The following LHFPL6 variants were observed in gnomAD, a reference collection of about 807,000 sequenced individuals.
LHFPL6 encodes the protein LHFPL tetraspan subfamily member 6 protein.
Under a neutral mutation model 20.6 loss-of-function variants are expected in LHFPL6, and 9 were observed. The observed-to-expected ratio is 0.44, with a 90% confidence interval of 0.26 to 0.76. LHFPL6 has a LOEUF of 0.76. Among genes scored for constraint, LHFPL6 ranks in the 30% least tolerant of loss-of-function variants. The pLI, the probability that LHFPL6 is intolerant of heterozygous loss-of-function variation, is 0.20. For synonymous variants in LHFPL6, 105 were observed against 98.7 expected (o/e 1.06, Z -0.38); for missense variants, 218 against 253.5 (o/e 0.86, Z 0.95).
rs10588059 is a variant in LHFPL6 at position 39,523,547 on chromosome 13, G to GA, written c.385+77284dup. ...TCACAGCGAGACTCCGTCTCAAAAGGAAAAAAAAAAAAAAAAAAAATGGTA... is the reference window on the plus strand; with the variant it reads ...TCACAGCGAGACTCCGTCTCAAAAGGAAAAAAAAAAAAAAAAAAAAATGGTA... On this transcript the variant is annotated intron_variant, in intron 2 of 3. Coordinates refer to ENST00000379589, the MANE Select transcript of LHFPL6 (RefSeq NM_005780.3). Among the ~76,000 whole-genome samples the GA allele has an allele frequency of 4.6e-3, 601 of 129,978 alleles. 3 individuals carry two copies. Among genetic ancestry groups the GA allele is most frequent in the African/African-American group, 0.014 (505 of 35,180 alleles). 85.3% of individuals were successfully genotyped at this position (129,978 alleles called of 152,430 possible).
At chr13:39,516,071 G>A (rs886990133) in intron 2 of LHFPL6, among the ~76,000 whole-genome samples, 15 of 152,100 alleles carry the variant, frequency 9.9e-5, no homozygotes, top group African/African-American at 3.6e-4. Context: ...TAAGACTCAG[G>A]ACTGTGGAGG....
At chr13:39,361,557 C>T (rs1869869829) in intron 3 of LHFPL6, among the ~76,000 whole-genome samples, 1 of 151,978 alleles carries the variant, frequency 6.6e-6, no homozygotes, top group African/African-American at 2.4e-5. Flanking sequence ...ACCTTGTGAT[C>T]CACCCACCTC....
At chr13:39,563,514 C>A (rs1427548347) in intron 2 of LHFPL6, among the ~76,000 whole-genome samples, 1 of 152,038 alleles carries the variant, frequency 6.6e-6, no homozygotes, top group East Asian at 1.9e-4. Context: ...GGCAAGGGAG[C>A]AAAAATATTC....
intron 2 of LHFPL6, among the ~76,000 whole-genome samples, chr13:39,569,128 C>CAGAT (rs1566143945): frequency 9.7e-6 from 1 of 103,030 alleles, no homozygotes; most frequent in South Asian, 4.0e-4. Flanking sequence ...TTAGTAAACA[C>CAGAT]GGATGGATGG....
rs765672489 is a variant in LHFPL6 at position 39,562,695 on chromosome 13, C to CACAT, written c.385+38136_385+38137insATGT. ...ACACATATATACACACACACACACA[C>CACAT]ATATATATATATACACACACACACT... On this transcript the variant is annotated intron_variant, in intron 2 of 3. Transcript: ENST00000379589. Among the ~76,000 whole-genome samples the CACAT allele has an allele frequency of 9.6e-3, 1,403 of 146,330 alleles. 17 individuals carry two copies. The highest frequency in any genetic ancestry group is 0.033 in the African/African-American group (1,289 of 39,340).
chr13:39,468,818 G>A (rs1197405958), intron 2 of LHFPL6, among the ~76,000 whole-genome samples: 1 of 151,900 alleles, frequency 6.6e-6, no homozygotes, highest in Admixed American at 6.6e-5. Context: ...ATTTCATAGG[G>A]GAATTAAGGT....
chr13:39,525,874 T>TG (rs994367796), intron 2 of LHFPL6, among the ~76,000 whole-genome samples: 2 of 151,824 alleles, frequency 1.3e-5, no homozygotes, highest in African/African-American at 4.8e-5. Context: ...TCCTTTTTTT[T>TG]TTCTTTTTTA....
In LHFPL6 at chr13:39,451,937, T is replaced by C. The variant is rs1391448566; in HGVS notation, c.386-73411A>G. Among the ~76,000 whole-genome samples, 9 of 152,288 alleles carry C rather than the reference T, an allele frequency of 5.9e-5. No homozygotes were observed. The South Asian group carries it at 1.5e-3, about 25-fold the overall frequency. The stretch of plus-strand genomic sequence containing the variant: ...AAACTACAGGAAATATGTGTGTGTG[T>C]GTGTGTGTGTGCGCATGCACGTGCA... On this transcript the variant is annotated intron_variant, in intron 2 of 3. Coordinates refer to ENST00000379589, the MANE Select transcript of LHFPL6 (RefSeq NM_005780.3).
chr13:39,372,063 A>T (rs139350595), intron 3 of LHFPL6, among the ~76,000 whole-genome samples: 1,905 of 152,302 alleles, frequency 0.013, 15 homozygotes, highest in Middle Eastern at 0.024. Flanking sequence ...CCTGGAAAAC[A>T]TCTTTGAGCT....
At chr13:39,480,385 A>C (rs1868471070) in intron 2 of LHFPL6, among the ~76,000 whole-genome samples, 9 of 152,244 alleles carry the variant, frequency 5.9e-5, no homozygotes, top group Admixed American at 5.9e-4. Flanking sequence ...TGTATAGTTC[A>C]TAGAGAGCAT....
At chr13:39,425,111 T>G (rs1275194829) in intron 2 of LHFPL6, among the ~76,000 whole-genome samples, 3 of 152,128 alleles carry the variant, frequency 2.0e-5, no homozygotes, top group African/African-American at 7.2e-5. Context: ...ATGGATTGCT[T>G]TCAATCATAA....
intron 2 of LHFPL6, among the ~76,000 whole-genome samples, chr13:39,563,103 C>CACAT (rs1566142469): frequency 2.2e-5 from 2 of 90,112 alleles, no homozygotes; most frequent in African/African-American, 1.5e-4. Flanking sequence ...CACACACACA[C>CACAT]ACACACACAC....
At chr13:39,355,514 T>C (rs1235944550) in intron 3 of LHFPL6, among the ~76,000 whole-genome samples, 1 of 152,200 alleles carries the variant, frequency 6.6e-6, no homozygotes, top group East Asian at 1.9e-4. Context: ...CATGATAACA[T>C]GATCAAAACC....
At chr13:39,416,575 A>C (rs1263556327) in intron 2 of LHFPL6, among the ~76,000 whole-genome samples, 1 of 152,212 alleles carries the variant, frequency 6.6e-6, no homozygotes, top group African/African-American at 2.4e-5. Context: ...TTGGGCAATA[A>C]AGTCAAAAGT....
At chr13:39,589,440 C>G (rs1872542273) in intron 2 of LHFPL6, among the ~76,000 whole-genome samples, 1 of 152,022 alleles carries the variant, frequency 6.6e-6, no homozygotes, top group Admixed American at 6.6e-5. Flanking sequence ...AAACTAGATC[C>G]CCAATAATAA....
intron 2 of LHFPL6, among the ~76,000 whole-genome samples, chr13:39,522,205 A>C (rs949143776): frequency 2.6e-5 from 4 of 152,216 alleles, no homozygotes; most frequent in Admixed American, 2.6e-4. Flanking sequence ...AACAAATATT[A>C]ATCCAGTAAA....
intron 2 of LHFPL6, among the ~76,000 whole-genome samples, chr13:39,466,768 A>G (rs1467263092): frequency 6.6e-6 from 1 of 152,254 alleles, no homozygotes; most frequent in Non-Finnish European, 1.5e-5. Context: ...CTTCATCGGC[A>G]AACACCTTTC....
intron 2 of LHFPL6, among the ~76,000 whole-genome samples, chr13:39,452,573 A>G (rs909389060): frequency 6.6e-6 from 1 of 152,198 alleles, no homozygotes; most frequent in Non-Finnish European, 1.5e-5. Context: ...GTGCTGTCTC[A>G]CATGGAGTGT....
At chr13:39,406,574 G>A (rs936020219) in intron 2 of LHFPL6, among the ~76,000 whole-genome samples, 30 of 151,138 alleles carry the variant, frequency 2.0e-4, no homozygotes, top group African/African-American at 6.8e-4. Flanking sequence ...CAAACACGGT[G>A]GATCCTAAGT....
Sources: allele counts gnomAD v4.1 joint callset (sites outside exome capture counted in the v4.1 genomes callset), GRCh38; gene constraint gnomAD v4.1.1; transcripts MANE v1.5; gene names NCBI Gene and HGNC (gene_info 2026-07-23, HGNC 2026-07-21).